IQCB1: variants seen among roughly 807,000 people sequenced by gnomAD.
The protein encoded by IQCB1 is IQ motif containing B1, also known as IQ calmodulin-binding motif-containing protein 1.
IQCB1 carries 56 observed loss-of-function variants against 84.4 expected under a neutral mutation model. That is an observed-to-expected ratio of 0.66 (90% confidence interval 0.54 to 0.83). The LOEUF (loss-of-function observed/expected upper bound fraction) is 0.83, where lower values mean the gene tolerates loss of function less well. Among genes scored for constraint, IQCB1 ranks in the 40% least tolerant of loss-of-function variants. The probability of loss-of-function intolerance (pLI) is 0.00; values close to 1 mark genes in which losing one functional copy is unlikely to be tolerated. For missense variants in IQCB1, 629 were observed against 682.1 expected (o/e 0.92, Z 0.87); for synonymous variants, 210 against 234.8 (o/e 0.89, Z 0.96).
chr3:121,772,457 C>G, intron 14 of IQCB1, 100 bp downstream of exon 14: 1 of 1,203,806 alleles, frequency 8.3e-7, no homozygotes, highest in African/African-American at 1.5e-5. Context: ...AGGGGATGAG[C>G]TAAAGATGCT....
At chr3:121,774,938 T>A (rs7621417) in intron 13 of IQCB1, among the ~76,000 whole-genome samples, 3,459 of 152,346 alleles carry the variant, frequency 0.023, 133 homozygotes, top group African/African-American at 0.079. Context: ...AAATAAATTT[T>A]AAAAATACAG....
intron 5 of IQCB1, among the ~76,000 whole-genome samples, chr3:121,810,028 G>A (rs1949765966): frequency 6.6e-6 from 1 of 151,404 alleles, no homozygotes; most frequent in African/African-American, 2.4e-5. Flanking sequence ...CTTTGCCAGA[G>A]TTTTACCTAA....
intron 12 of IQCB1, among the ~76,000 whole-genome samples, chr3:121,783,652 T>C (rs1264860971): frequency 6.6e-6 from 1 of 152,210 alleles, no homozygotes; most frequent in Non-Finnish European, 1.5e-5. Context: ...TTCATTTTCT[T>C]GGACACATTT....
chr3:121,799,399 AG>A (rs763929442), intron 7 of IQCB1, 25 bp from the exon 8 acceptor site: 4 of 1,369,560 alleles, frequency 2.9e-6, no homozygotes, highest in Non-Finnish European at 4.1e-6. Context: ...TAAAAAAAAA[AG>A]TACCATTACT....
At chr3:121,804,149 T>C (rs1436043143) in intron 7 of IQCB1, among the ~76,000 whole-genome samples, 1 of 152,156 alleles carries the variant, frequency 6.6e-6, no homozygotes, top group Non-Finnish European at 1.5e-5. Context: ...TTATCACTTA[T>C]CACAGTGATA....
chr3:121,818,559 T>C (rs1281058088), intron 5 of IQCB1, among the ~76,000 whole-genome samples: 1 of 152,222 alleles, frequency 6.6e-6, no homozygotes, highest in Non-Finnish European at 1.5e-5. Context: ...TGTGAGCTTG[T>C]AGTTATTAGA....
At chr3:121,785,538 C>T (rs1948671836) in intron 12 of IQCB1, among the ~76,000 whole-genome samples, 1 of 151,884 alleles carries the variant, frequency 6.6e-6, no homozygotes, top group African/African-American at 2.4e-5. Context: ...GTTGCAGTGC[C>T]AACAGAAATG....
chr3:121,806,184 C>A (rs563311221), intron 7 of IQCB1, among the ~76,000 whole-genome samples: 153 of 152,096 alleles, frequency 1.0e-3, no homozygotes, highest in South Asian at 4.8e-3. Flanking sequence ...GATTTTAATT[C>A]ATTATTTTAA....
intron 8 of IQCB1, among the ~76,000 whole-genome samples, chr3:121,797,866 T>C (rs555528521): frequency 1.3e-5 from 2 of 152,134 alleles, no homozygotes; most frequent in African/African-American, 2.4e-5. Context: ...TGATGTATTA[T>C]AATGTGTGTA....
chr3:121,835,030 C>T lies in IQCB1; in HGVS notation c.-166G>A. On this transcript the variant is annotated 5_prime_UTR_variant, in exon 1 of 15. Transcript: ENST00000310864. Reference sequence around the variant, plus strand: ...GCTCCCACGCCGCACTACAGCGCCGCGGCCTTCCGGGGCAGCGTGCGTCGC... The same window carrying T: ...GCTCCCACGCCGCACTACAGCGCCGTGGCCTTCCGGGGCAGCGTGCGTCGC... The T allele has an allele frequency of 1.8e-6, 1 of 566,202 alleles. No homozygotes were observed. Among genetic ancestry groups the T allele is most frequent in the Non-Finnish European group, 3.2e-6 (1 of 315,154 alleles). 35.1% of individuals were successfully genotyped at this position (566,202 alleles called of 1,614,324 possible). A position where few individuals can be genotyped will look rare whatever the true frequency, so the allele number is the denominator to read the frequency against.
At chr3:121,795,611 T>C (rs200183949) in intron 9 of IQCB1, 45 bp from the exon 10 acceptor site, 1 of 759,764 alleles carries the variant, frequency 1.3e-6, no homozygotes, top group Non-Finnish European at 2.2e-6. Flanking sequence ...GGAAGGTCTT[T>C]AAAAAAAAAA....
chr3:121,828,746 T>C lies in IQCB1; in HGVS notation c.101-114A>G, dbSNP rs1576620375. 3 of 996,892 alleles carry C rather than the reference T, an allele frequency of 3.0e-6. No homozygotes were observed. In the African/African-American group the frequency reaches 4.9e-5, roughly 16 times the overall value. 61.8% of individuals were successfully genotyped at this position (996,892 alleles called of 1,614,324 possible). ...ATATATTAGAAGGAAAAATTACTGT[T>C]CTATTATAGTGTTAAGACCTCTCTG... On this transcript the variant is annotated intron_variant, in intron 3 of 14. Transcript: ENST00000310864.
chr3:121,790,260 T>C, intron 10 of IQCB1, 45 bp from the exon 11 acceptor site: 1 of 1,568,882 alleles, frequency 6.4e-7, no homozygotes, highest in South Asian at 1.1e-5. Context: ...ATAAATCATA[T>C]GAAAAAATGC....
At position 121,799,453 on chromosome 3, in the gene IQCB1, C is replaced by T. The variant is rs969222681; in HGVS notation, c.588-79G>A. 7 of 879,386 alleles carry T rather than the reference C, an allele frequency of 8.0e-6. No individual in the cohort carries two copies. The Admixed American group carries it at 9.1e-5, about 11-fold the overall frequency. 54.5% of individuals were successfully genotyped at this position (879,386 alleles called of 1,614,324 possible). On this transcript the variant is annotated intron_variant, in intron 7 of 14. Coordinates refer to ENST00000310864, the MANE Select transcript of IQCB1 (RefSeq NM_001023570.4). ...CACAACAAATCTAAAATATAAGATT[C>T]AGTAACTTGATGCCGGACTGTGTCC...
chr3:121,795,030 T>G (rs1949123665), intron 10 of IQCB1, among the ~76,000 whole-genome samples: 1 of 152,168 alleles, frequency 6.6e-6, no homozygotes, highest in Admixed American at 6.5e-5. Context: ...AATGCCGAAC[T>G]ATATCATAAT....
intron 7 of IQCB1, among the ~76,000 whole-genome samples, chr3:121,803,150 G>A (rs1949475308): frequency 6.6e-6 from 1 of 152,076 alleles, no homozygotes; most frequent in South Asian, 2.1e-4. Flanking sequence ...TGCTTCCTGG[G>A]CTCAAGAGAT....
At chr3:121,785,116 CCT>C (rs1948654295) in intron 12 of IQCB1, among the ~76,000 whole-genome samples, 1 of 152,102 alleles carries the variant, frequency 6.6e-6, no homozygotes, top group Admixed American at 6.5e-5. Flanking sequence ...AGAAACAATG[CCT>C]CTGTTTTTGC....
At chr3:121,795,409 C>T in intron 10 of IQCB1, 48 bp downstream of exon 10, 2 of 941,036 alleles carry the variant, frequency 2.1e-6, no homozygotes, top group Admixed American at 1.7e-5. Context: ...TTCAACTGTA[C>T]TCTAGTAAGA....
intron 2 of IQCB1, among the ~76,000 whole-genome samples, chr3:121,830,987 A>C (rs1950617193): frequency 6.6e-6 from 1 of 152,180 alleles, no homozygotes. Flanking sequence ...ATGATTGTCC[A>C]TGCTTCAGTC....
Sources: allele counts gnomAD v4.1 joint callset (sites outside exome capture counted in the v4.1 genomes callset), GRCh38; gene constraint gnomAD v4.1.1; transcripts MANE v1.5; gene names NCBI Gene and HGNC (gene_info 2026-07-23, HGNC 2026-07-21).